Variants in MAPK10 observed in about 807,000 individuals in gnomAD.
MAPK10 encodes the protein JNK3 alpha protein kinase.
MAPK10 carries 25 observed loss-of-function variants against 59.3 expected under a neutral mutation model. That is an observed-to-expected ratio of 0.42 (90% CI 0.31 to 0.59). The LOEUF (loss-of-function observed/expected upper bound fraction) is 0.59, where lower values mean the gene tolerates loss of function less well. Among genes scored for constraint, MAPK10 ranks in the 20% least tolerant of loss-of-function variants. The pLI is 0.15. For synonymous variants in MAPK10, 190 were observed against 200.5 expected (o/e 0.95, Z 0.44); for missense variants, 351 against 568.9 (o/e 0.62, Z 3.90).
rs563192393 is a variant in MAPK10, at chr4:86,589,856, C to G, written c.-263+4054G>C. Among the ~76,000 whole-genome samples the G allele has an allele frequency of 5.4e-5, 8 of 148,276 alleles. No homozygotes were observed. The East Asian group carries it at 1.6e-3, about 30-fold the overall frequency. Reference sequence around the variant, plus strand: ...AAAATTAGCTGGGCATGGTGGCAGGCGCCTATAGTCCCAGCTACTCGGGAG... The same window carrying G: ...AAAATTAGCTGGGCATGGTGGCAGGGGCCTATAGTCCCAGCTACTCGGGAG... On this transcript the variant is annotated intron_variant, in intron 1 of 4. Coordinates refer to the MAPK10 transcript ENST00000502302.
intron 1 of MAPK10, among the ~76,000 whole-genome samples, chr4:86,383,303 T>A (rs1741016598): frequency 6.6e-6 from 1 of 152,160 alleles, no homozygotes; most frequent in South Asian, 2.1e-4. Context: ...CCTTCAATGG[T>A]GCCTCTGGGC....
At chr4:86,238,167 T>TC (rs2092426472) in intron 2 of MAPK10, among the ~76,000 whole-genome samples, 3 of 152,192 alleles carry the variant, frequency 2.0e-5, no homozygotes, top group Non-Finnish European at 2.9e-5. Flanking sequence ...GTGTGTAGTG[T>TC]TATTTTCTGA....
intron 1 of MAPK10, among the ~76,000 whole-genome samples, chr4:86,574,137 T>G (rs548125533): frequency 1.3e-5 from 2 of 151,994 alleles, no homozygotes; most frequent in East Asian, 3.9e-4. Context: ...TTCCCACCTA[T>G]GAGTGAGAAC....
At chr4:86,135,108 G>C (rs1355980565) in intron 4 of MAPK10, among the ~76,000 whole-genome samples, 1 of 152,224 alleles carries the variant, frequency 6.6e-6, no homozygotes, top group Non-Finnish European at 1.5e-5. Context: ...GAGGCTGGGG[G>C]AGGGGCGCCC....
intron 1 of MAPK10, among the ~76,000 whole-genome samples, chr4:86,573,707 A>C (rs1761639858): frequency 6.6e-6 from 1 of 152,190 alleles, no homozygotes; most frequent in Admixed American, 6.5e-5. Flanking sequence ...AAGTCTTTGA[A>C]TCCATAAACG....
intron 1 of MAPK10, among the ~76,000 whole-genome samples, chr4:86,592,866 C>A (rs1195988199): frequency 6.6e-6 from 1 of 152,200 alleles, no homozygotes; most frequent in East Asian, 1.9e-4. Context: ...TTTCTCTTAG[C>A]TGCTACCTAC....
rs553470336 is a variant in MAPK10, at chr4:86,331,480, C to T, written c.-7+23050G>A. On this transcript the variant is annotated intron_variant, in intron 2 of 13. Transcript: ENST00000641462. ...GTTCCCTCTGTACCCTTTAATCAGC[C>T]TATAAACTCAACAGCAGAGTCTTGT... is the stretch of plus-strand genomic sequence containing the variant. 1.3e-4 allele frequency among the ~76,000 whole-genome samples: 20 copies of T among 152,194 alleles called. No individual in the cohort carries two copies. The South Asian group carries it at 4.1e-3, about 32-fold the overall frequency.
intron 2 of MAPK10, among the ~76,000 whole-genome samples, chr4:86,349,157 T>A (rs1197931332): frequency 6.6e-6 from 1 of 152,148 alleles, no homozygotes; most frequent in Admixed American, 6.5e-5. Context: ...TAAGTTAAAT[T>A]TTTCTTCTGA....
At chr4:86,227,553 G>A (rs1422810510) in intron 2 of MAPK10, among the ~76,000 whole-genome samples, 1 of 151,742 alleles carries the variant, frequency 6.6e-6, no homozygotes, top group Non-Finnish European at 1.5e-5. Context: ...CTATTCTCCG[G>A]TCTCTAAGAA....
chr4:86,535,781 T>A (rs1331738645), intron 1 of MAPK10, among the ~76,000 whole-genome samples: 1 of 152,230 alleles, frequency 6.6e-6, no homozygotes, highest in Non-Finnish European at 1.5e-5. Context: ...AAAAACAAGC[T>A]GAGCCAAAAG....
intron 1 of MAPK10, among the ~76,000 whole-genome samples, chr4:86,382,642 A>G (rs1740915422): frequency 6.6e-6 from 1 of 152,198 alleles, no homozygotes; most frequent in Non-Finnish European, 1.5e-5. Flanking sequence ...CACTTGCAGC[A>G]ACTATGGCAG....
chr4:86,384,841 A>G (rs1316441622), intron 1 of MAPK10, among the ~76,000 whole-genome samples: 1 of 152,240 alleles, frequency 6.6e-6, no homozygotes, highest in East Asian at 1.9e-4. Flanking sequence ...AGCTATATTG[A>G]AAGAATACAA....
chr4:86,551,730 C>CA (rs1202050208), intron 1 of MAPK10, among the ~76,000 whole-genome samples: 3 of 152,070 alleles, frequency 2.0e-5, no homozygotes, highest in Non-Finnish European at 4.4e-5. Context: ...GCAGCCTCTC[C>CA]AGTAGCTGGA....
rs115519147 is a variant in MAPK10, at chr4:86,030,801, T to C, written c.1174+567A>G. On this transcript the variant is annotated intron_variant, in intron 12 of 13. Coordinates refer to ENST00000641462, the MANE Select transcript of MAPK10 (RefSeq NM_138982.4). ...TTCAGCTCTTCCCATTTTGATCTGA[T>C]CATTTGCTACAATCTGCATTTGACT... Among the ~76,000 whole-genome samples the C allele has an allele frequency of 2.1e-3, 313 of 152,336 alleles. 1 individual carries two copies. Among genetic ancestry groups the C allele is most frequent in the African/African-American group, 7.3e-3 (302 of 41,580 alleles).
chr4:86,140,123 G>A (rs1176249401), intron 4 of MAPK10, among the ~76,000 whole-genome samples: 1 of 130,894 alleles, frequency 7.6e-6, no homozygotes. Flanking sequence ...AAGTCAGTGT[G>A]GCGACTCCTC....
At chr4:86,199,979 T>C (rs1432950817) in intron 2 of MAPK10, among the ~76,000 whole-genome samples, 2 of 152,024 alleles carry the variant, frequency 1.3e-5, no homozygotes, top group Non-Finnish European at 2.9e-5. Context: ...CCATTTTAGA[T>C]TTTTTGTTAT....
intron 1 of MAPK10, among the ~76,000 whole-genome samples, chr4:86,552,538 G>T (rs1759930990): frequency 2.0e-5 from 3 of 149,758 alleles, no homozygotes; most frequent in Admixed American, 2.0e-4. Context: ...AGGAAGGAAG[G>T]AAGGAAGGAA....
chr4:86,468,776 C>T (rs1038984545), intron 1 of MAPK10, among the ~76,000 whole-genome samples: 2 of 152,088 alleles, frequency 1.3e-5, no homozygotes, highest in Non-Finnish European at 2.9e-5. Context: ...ATTGCTTGAA[C>T]CCAGGAGGCA....
intron 1 of MAPK10, among the ~76,000 whole-genome samples, chr4:86,468,982 A>G (rs758190492): frequency 6.2e-4 from 94 of 152,224 alleles, no homozygotes; most frequent in Non-Finnish European, 6.8e-4. Context: ...AAGAAATACA[A>G]ATGAAGAAAG....
Sources: gnomAD v4.1 joint callset for allele counts (sites outside exome capture counted in the v4.1 genomes callset) on GRCh38, gnomAD v4.1.1 for gene constraint, MANE v1.5 for transcripts, NCBI Gene and HGNC (gene_info 2026-07-23, HGNC 2026-07-21) for gene names.